Variants in AGBL4 observed in about 807,000 individuals in gnomAD.
The protein encoded by AGBL4 is AGBL carboxypeptidase 4, also known as cytosolic carboxypeptidase 6.
A neutral mutation model predicts 66.4 loss-of-function variants in AGBL4; 58 were observed. The observed-to-expected ratio is 0.87, with a 90% CI of 0.71 to 1.09. The LOEUF is 1.09. Among genes scored for constraint, AGBL4 ranks in the 50% least tolerant of loss-of-function variants. The pLI is 0.00. For synonymous variants in AGBL4, 234 were observed against 222.9 expected (o/e 1.05, Z -0.44); for missense variants, 579 against 631.0 (o/e 0.92, Z 0.88).
intron 2 of AGBL4, among the ~76,000 whole-genome samples, chr1:49,814,285 CAGA>C (rs1645179317): frequency 6.6e-6 from 1 of 152,050 alleles, no homozygotes; most frequent in African/African-American, 2.4e-5. Flanking sequence ...GTATTCCAGG[CAGA>C]AGAAGTTCAA....
intron 9 of AGBL4, among the ~76,000 whole-genome samples, chr1:48,612,055 A>G (rs896217375): frequency 2.0e-5 from 3 of 152,262 alleles, no homozygotes; most frequent in African/African-American, 7.2e-5. Flanking sequence ...GCAAACCTGC[A>G]CAGGCAGTAC....
chr1:49,141,172 T>C (rs950181312), intron 4 of AGBL4, among the ~76,000 whole-genome samples: 4 of 152,214 alleles, frequency 2.6e-5, no homozygotes, highest in African/African-American at 7.2e-5. Context: ...AAGTAAATTG[T>C]ATTTCTTAAG....
intron 6 of AGBL4, chr1:48,728,141 C>A: frequency 9.0e-7 from 1 of 1,105,938 alleles, no homozygotes; most frequent in Non-Finnish European, 1.3e-6. Flanking sequence ...AACATACTTC[C>A]CAAATACCAG....
intron 3 of AGBL4, among the ~76,000 whole-genome samples, chr1:49,376,103 C>T (rs1355742700): frequency 6.6e-6 from 1 of 152,126 alleles, no homozygotes; most frequent in Admixed American, 6.6e-5. Context: ...CTTAACTCCA[C>T]CTACCTCTGC....
At chr1:49,640,369 A>G (rs1407612739) in intron 3 of AGBL4, among the ~76,000 whole-genome samples, 2 of 152,150 alleles carry the variant, frequency 1.3e-5, no homozygotes, top group East Asian at 3.9e-4. Flanking sequence ...AAAGGAACTC[A>G]GGGCCTTTGA....
intron 3 of AGBL4, among the ~76,000 whole-genome samples, chr1:49,487,588 A>G (rs887100526): frequency 6.6e-6 from 1 of 151,748 alleles, no homozygotes; most frequent in East Asian, 1.9e-4. Flanking sequence ...TGAAGAAGGT[A>G]CCTGCCTCTC....
chr1:48,832,217 C>T (rs1311178934), intron 6 of AGBL4, among the ~76,000 whole-genome samples: 1 of 152,130 alleles, frequency 6.6e-6, no homozygotes, highest in Non-Finnish European at 1.5e-5. Flanking sequence ...TTGGGGTTTC[C>T]TCTCCTGGAG....
At chr1:49,281,803 G>T (rs1158207905) in intron 3 of AGBL4, among the ~76,000 whole-genome samples, 1 of 152,180 alleles carries the variant, frequency 6.6e-6, no homozygotes, top group Non-Finnish European at 1.5e-5. Context: ...TGCTGGGAGG[G>T]TTGCTTGCCC....
intron 3 of AGBL4, among the ~76,000 whole-genome samples, chr1:49,562,613 A>T (rs898957427): frequency 2.6e-5 from 4 of 152,024 alleles, no homozygotes; most frequent in South Asian, 2.1e-4. Flanking sequence ...AAGATCAGAT[A>T]TTTGTAGATA....
At chr1:49,710,530 A>G (rs949917491) in intron 2 of AGBL4, among the ~76,000 whole-genome samples, 1 of 152,160 alleles carries the variant, frequency 6.6e-6, no homozygotes, top group African/African-American at 2.4e-5. Flanking sequence ...TGGCCCATAT[A>G]TACCTATGTA....
chr1:49,801,739 C>T (rs531437489), intron 2 of AGBL4, among the ~76,000 whole-genome samples: 2 of 152,248 alleles, frequency 1.3e-5, no homozygotes, highest in South Asian at 4.2e-4. Context: ...TATACATTAC[C>T]ATACTAAGCA....
intron 3 of AGBL4, among the ~76,000 whole-genome samples, chr1:49,651,447 C>T (rs184959825): frequency 6.6e-5 from 10 of 152,244 alleles, no homozygotes; most frequent in Admixed American, 3.9e-4. Flanking sequence ...AATCTGCTAT[C>T]AGAAGGGCAT....
At chr1:49,149,874 T>C (rs666486) in intron 4 of AGBL4, among the ~76,000 whole-genome samples, 102,744 of 152,012 alleles carry the variant, frequency 0.68, 35,370 homozygotes, top group African/African-American at 0.75. Context: ...AAAATTGTCT[T>C]CAGAAACTAT....
chr1:48,897,828 T>A (rs1420224611), intron 5 of AGBL4, among the ~76,000 whole-genome samples: 1 of 121,848 alleles, frequency 8.2e-6, no homozygotes, highest in Non-Finnish European at 1.8e-5. Context: ...TTTTTTTTTT[T>A]AAGACGGAGT....
At chr1:49,282,694 C>T (rs1411815539) in intron 3 of AGBL4, among the ~76,000 whole-genome samples, 2 of 152,186 alleles carry the variant, frequency 1.3e-5, no homozygotes, top group Admixed American at 1.3e-4. Context: ...CAGGGCGAGG[C>T]ATTGCCTCAC....
chr1:49,043,149 T>TA (rs1243931029), intron 5 of AGBL4, among the ~76,000 whole-genome samples: 1 of 152,224 alleles, frequency 6.6e-6, no homozygotes, highest in Non-Finnish European at 1.5e-5. Flanking sequence ...TTCAGTAATA[T>TA]ACTGTTAATT....
At chr1:49,394,536 A>G (rs913998847) in intron 3 of AGBL4, among the ~76,000 whole-genome samples, 1 of 152,112 alleles carries the variant, frequency 6.6e-6, no homozygotes, top group African/African-American at 2.4e-5. Context: ...CACATCATGA[A>G]TGGTTAATAT....
chr1:49,155,996 G>A (rs1646421988), intron 4 of AGBL4, among the ~76,000 whole-genome samples: 1 of 152,152 alleles, frequency 6.6e-6, no homozygotes, highest in African/African-American at 2.4e-5. Flanking sequence ...ATTAGCTCAA[G>A]AGTGAAGAAT....
At chr1:48,916,582 T>G (rs1365527185) in intron 5 of AGBL4, among the ~76,000 whole-genome samples, 3 of 152,164 alleles carry the variant, frequency 2.0e-5, no homozygotes, top group African/African-American at 7.2e-5. Context: ...CTTTCTTGCA[T>G]TTGATGTTTC....
Sources: gnomAD v4.1 joint callset for allele counts (sites outside exome capture counted in the v4.1 genomes callset) on GRCh38, gnomAD v4.1.1 for gene constraint, MANE v1.5 for transcripts, NCBI Gene and HGNC (gene_info 2026-07-23, HGNC 2026-07-21) for gene names.